JARID2: variants seen among roughly 807,000 people sequenced by gnomAD.
JARID2 encodes the protein protein Jumonji.
JARID2 carries 21 observed loss-of-function variants against 125.6 expected under a neutral mutation model. The observed-to-expected ratio is 0.17, with a 90% CI of 0.12 to 0.24. JARID2 has a LOEUF of 0.24. JARID2 is among the 10% of genes least tolerant of loss of function. JARID2 has a pLI of 1.00. For missense variants in JARID2, 1,303 were observed against 1,639.6 expected (o/e 0.79, Z 3.55); for synonymous variants, 736 against 661.6 (o/e 1.11, Z -1.73).
chr6:15,512,482 G>T, intron 14 of JARID2, 92 bp downstream of exon 14: 1 of 1,160,010 alleles, frequency 8.6e-7, no homozygotes, highest in Non-Finnish European at 1.3e-6. Context: ...GCGTGTGCGT[G>T]TCTATTTGTC....
intron 8 of JARID2, among the ~76,000 whole-genome samples, 195 bp from the exon 9 acceptor site, chr6:15,504,305 T>C (rs986870521): frequency 2.0e-5 from 3 of 152,214 alleles, no homozygotes; most frequent in Admixed American, 6.5e-5. Context: ...TGGTGGAGTC[T>C]TCCCACTCCT....
chr6:15,324,805 A>G (rs1311126547), intron 1 of JARID2, among the ~76,000 whole-genome samples: 1 of 151,576 alleles, frequency 6.6e-6, no homozygotes. Flanking sequence ...TTTTGAGTTA[A>G]TATTTGTTTG....
chr6:15,515,559 G>C (rs529041618), intron 16 of JARID2, among the ~76,000 whole-genome samples: 1 of 152,252 alleles, frequency 6.6e-6, no homozygotes, highest in Admixed American at 6.5e-5. Context: ...GCAATGGTGG[G>C]CAGATCACTC....
intron 3 of JARID2, among the ~76,000 whole-genome samples, chr6:15,424,870 A>C (rs918014711): frequency 6.6e-6 from 1 of 152,168 alleles, no homozygotes; most frequent in Non-Finnish European, 1.5e-5. Flanking sequence ...AAACAAAACA[A>C]AACAACAACA....
intron 3 of JARID2, among the ~76,000 whole-genome samples, chr6:15,428,288 C>CT (rs1259540960): frequency 3.3e-5 from 5 of 151,940 alleles, no homozygotes; most frequent in Non-Finnish European, 7.4e-5. Flanking sequence ...TTTTGTTATA[C>CT]TTTAAGTTCT....
intron 2 of JARID2, among the ~76,000 whole-genome samples, chr6:15,408,029 T>C (rs1260450117): frequency 6.6e-6 from 1 of 152,124 alleles, no homozygotes; most frequent in Non-Finnish European, 1.5e-5. Flanking sequence ...TTTGGGAGGC[T>C]GAGGTGACTG....
intron 3 of JARID2, among the ~76,000 whole-genome samples, 167 bp downstream of exon 3, chr6:15,410,532 G>C (rs1033255956): frequency 2.0e-5 from 3 of 152,054 alleles, no homozygotes; most frequent in Non-Finnish European, 4.4e-5. Context: ...TCTAAGTATT[G>C]TCTAATAATT....
rs139123358 is a variant in JARID2, at chr6:15,256,437, C to T, written c.45+9853C>T. Among the ~76,000 whole-genome samples the T allele has an allele frequency of 7.9e-5, 12 of 152,244 alleles. No homozygotes were observed. In the East Asian group the frequency reaches 9.6e-4, roughly 12 times the overall value. ...ACTGGAGTGGCACTGAATCTGTGCA[C>T]GAAGATGTTTAAAGAAGACATAGTC... On this transcript the variant is annotated intron_variant, in intron 1 of 17. Transcript: ENST00000341776.
intron 3 of JARID2, among the ~76,000 whole-genome samples, chr6:15,422,757 G>A (rs1363997669): frequency 6.6e-6 from 1 of 152,206 alleles, no homozygotes; most frequent in Admixed American, 6.5e-5. Context: ...GACTGGTTTT[G>A]TGTGGGCTTC....
chr6:15,497,853 G>A (rs1770539687), intron 7 of JARID2, among the ~76,000 whole-genome samples: 1 of 152,042 alleles, frequency 6.6e-6, no homozygotes, highest in African/African-American at 2.4e-5. Flanking sequence ...GGGCCAGCAG[G>A]GTTGGTTTCT....
intron 7 of JARID2, among the ~76,000 whole-genome samples, chr6:15,498,731 T>C (rs753150760): frequency 6.6e-6 from 1 of 152,232 alleles, no homozygotes; most frequent in Non-Finnish European, 1.5e-5. Flanking sequence ...TCACCTTAAC[T>C]TGCAAGAGTT....
intron 5 of JARID2, among the ~76,000 whole-genome samples, chr6:15,474,843 A>G (rs1371822895): frequency 6.6e-6 from 1 of 152,156 alleles, no homozygotes; most frequent in Non-Finnish European, 1.5e-5. Context: ...CGTGTCTTCA[A>G]CCCCATTTAC....
intron 1 of JARID2, among the ~76,000 whole-genome samples, chr6:15,322,559 A>T (rs1561791827): frequency 6.6e-6 from 1 of 152,190 alleles, no homozygotes; most frequent in African/African-American, 2.4e-5. Context: ...CAAGGATTTA[A>T]TGAGTTTTAA....
intron 4 of JARID2, among the ~76,000 whole-genome samples, chr6:15,460,376 G>C (rs1768385594): frequency 1.3e-5 from 2 of 152,268 alleles, no homozygotes; most frequent in South Asian, 4.1e-4. Context: ...CTGCCAGTGA[G>C]TACTGGCACA....
intron 1 of JARID2, among the ~76,000 whole-genome samples, chr6:15,340,123 C>A (rs1309998891): frequency 1.3e-5 from 2 of 152,166 alleles, no homozygotes; most frequent in Non-Finnish European, 2.9e-5. Flanking sequence ...CCATGCCCGA[C>A]TGACATTTGT....
chr6:15,401,686 T>A (rs1765441936), intron 2 of JARID2, among the ~76,000 whole-genome samples: 1 of 152,160 alleles, frequency 6.6e-6, no homozygotes, highest in African/African-American at 2.4e-5. Context: ...TTCTCCCGAA[T>A]TTCGTGCATT....
chr6:15,435,951 C>T (rs1767182625), intron 3 of JARID2, among the ~76,000 whole-genome samples: 1 of 152,058 alleles, frequency 6.6e-6, no homozygotes, highest in South Asian at 2.1e-4. Context: ...TTTCTTGTCC[C>T]CCTCTCAGGG....
chr6:15,322,644 A>G (rs1054735367), intron 1 of JARID2, among the ~76,000 whole-genome samples: 2 of 152,216 alleles, frequency 1.3e-5, no homozygotes, highest in Non-Finnish European at 2.9e-5. Context: ...GCCAGGAGCC[A>G]GGGAATATTT....
chr6:15,377,765 G>A (rs921110254), intron 2 of JARID2, among the ~76,000 whole-genome samples: 10 of 151,630 alleles, frequency 6.6e-5, no homozygotes, highest in South Asian at 4.2e-4. Context: ...AACTCCTGAC[G>A]TTGTGATCTA....
Sources: gnomAD v4.1 joint callset for allele counts (sites outside exome capture counted in the v4.1 genomes callset) on GRCh38, gnomAD v4.1.1 for gene constraint, MANE v1.5 for transcripts, NCBI Gene and HGNC (gene_info 2026-07-23, HGNC 2026-07-21) for gene names.